The following RPS6KC1 variants were observed in gnomAD, a reference collection of about 807,000 sequenced individuals.
RPS6KC1 encodes ribosomal protein S6 kinase C1.
In RPS6KC1, 54 loss-of-function variants were observed where a neutral mutation model predicts 103.8. The ratio of observed to expected loss-of-function variants is 0.52; its 90% CI spans 0.42 to 0.65. The LOEUF (loss-of-function observed/expected upper bound fraction) is 0.65. Among genes scored for constraint, RPS6KC1 ranks in the 30% least tolerant of loss-of-function variants. The pLI is 0.00. For missense variants in RPS6KC1, 1,151 were observed against 1,253.8 expected, an observed-to-expected ratio of 0.92 and a Z score of 1.24; for synonymous variants, 439 against 438.7, an observed-to-expected ratio of 1.00 and a Z score of -0.01.
the RPS6KC1 span, among the ~76,000 whole-genome samples, chr1:213,472,871 T>C: frequency 6.6e-6 from 1 of 152,244 alleles, no homozygotes; most frequent in Non-Finnish European, 1.5e-5. Context: ...TATGGACCTA[T>C]TCTGATGTGT....
At chr1:213,642,843 C>T in the RPS6KC1 span, among the ~76,000 whole-genome samples, 5 of 151,872 alleles carry the variant, frequency 3.3e-5, no homozygotes, top group South Asian at 2.1e-4. Context: ...TAGAAATTTT[C>T]TTCATTAGAA....
At chr1:213,586,033 C>T in the RPS6KC1 span, among the ~76,000 whole-genome samples, 1 of 152,200 alleles carries the variant, frequency 6.6e-6, no homozygotes, top group African/African-American at 2.4e-5. Context: ...TCTTGACAGT[C>T]ACATCTGGCC....
At chr1:213,809,451 T>G in the RPS6KC1 span, among the ~76,000 whole-genome samples, 1 of 152,206 alleles carries the variant, frequency 6.6e-6, no homozygotes, top group Admixed American at 6.5e-5. Flanking sequence ...TGTGAGCTCA[T>G]GCTGTTGGAA....
At chr1:213,810,573 G>C in the RPS6KC1 span, among the ~76,000 whole-genome samples, 8 of 152,244 alleles carry the variant, frequency 5.3e-5, no homozygotes, top group African/African-American at 1.9e-4. Context: ...AAGTAAAGTT[G>C]CAGATACTTC....
the RPS6KC1 span, among the ~76,000 whole-genome samples, chr1:213,646,702 G>A: frequency 6.6e-6 from 1 of 151,832 alleles, no homozygotes; most frequent in Admixed American, 6.6e-5. Context: ...CAAGAGGGAG[G>A]AAACGGAACA....
chr1:213,721,546 A>G, the RPS6KC1 span, among the ~76,000 whole-genome samples: 3 of 152,178 alleles, frequency 2.0e-5, no homozygotes, highest in African/African-American at 7.2e-5. Context: ...CTGTGAGTCC[A>G]TTAAACCTCA....
chr1:213,773,910 T>C, the RPS6KC1 span, among the ~76,000 whole-genome samples: 7,724 of 152,290 alleles, frequency 0.051, 626 homozygotes, highest in African/African-American at 0.17. Context: ...CCTATCCAAG[T>C]GGACACAAAG....
At chr1:213,213,753 A>G (rs1285472185) in intron 8 of RPS6KC1, among the ~76,000 whole-genome samples, 2 of 152,198 alleles carry the variant, frequency 1.3e-5, no homozygotes, top group Non-Finnish European at 2.9e-5. Context: ...AGTACTATCA[A>G]AATATGCTTA....
At chr1:213,232,320 T>A in intron 10 of RPS6KC1, 65 bp downstream of exon 10, 2 of 1,592,082 alleles carry the variant, frequency 1.3e-6, no homozygotes, top group Non-Finnish European at 1.7e-6. Flanking sequence ...CCAGTTTCTC[T>A]CTGTCATTTC....
the RPS6KC1 span, among the ~76,000 whole-genome samples, chr1:213,562,355 T>G: frequency 9.2e-6 from 1 of 108,494 alleles, no homozygotes; most frequent in Non-Finnish European, 1.8e-5. Flanking sequence ...TCCTGAAAAG[T>G]TCTGTTTTTT....
At chr1:213,584,013 G>A in the RPS6KC1 span, among the ~76,000 whole-genome samples, 6 of 152,192 alleles carry the variant, frequency 3.9e-5, no homozygotes, top group East Asian at 5.8e-4. Context: ...CCCACGTGCT[G>A]TGGAAGGGAC....
chr1:213,527,254 C>T, the RPS6KC1 span, among the ~76,000 whole-genome samples: 2 of 152,184 alleles, frequency 1.3e-5, no homozygotes, highest in Non-Finnish European at 2.9e-5. Context: ...GGCACTGCTC[C>T]TGTGGAAATC....
At chr1:213,523,482 G>C in the RPS6KC1 span, among the ~76,000 whole-genome samples, 1 of 152,138 alleles carries the variant, frequency 6.6e-6, no homozygotes, top group Non-Finnish European at 1.5e-5. Flanking sequence ...TGTCTGCAAA[G>C]TACAGTAAAA....
chr1:213,658,095 C>T, the RPS6KC1 span, among the ~76,000 whole-genome samples: 780 of 152,254 alleles, frequency 5.1e-3, 11 homozygotes, highest in African/African-American at 0.017. Context: ...AATGCTTGTG[C>T]GCACTGTAAA....
chr1:213,527,212 G>A, the RPS6KC1 span, among the ~76,000 whole-genome samples: 6 of 152,358 alleles, frequency 3.9e-5, no homozygotes, highest in South Asian at 2.1e-4. Flanking sequence ...CATGCACAAT[G>A]CAGAGGAGGA....
the RPS6KC1 span, among the ~76,000 whole-genome samples, chr1:213,728,965 T>TTTA: frequency 8.5e-5 from 12 of 141,040 alleles, 1 homozygote; most frequent in African/African-American, 2.7e-4. Context: ...TTTTTTTTTT[T>TTTA]ACCAGTGGAC....
At chr1:213,132,323 A>G (rs2085732395) in intron 6 of RPS6KC1, among the ~76,000 whole-genome samples, 1 of 152,184 alleles carries the variant, frequency 6.6e-6, no homozygotes, top group African/African-American at 2.4e-5. Flanking sequence ...GACTAAATTG[A>G]TTTTAGTCTT....
chr1:213,288,096 G>A, the RPS6KC1 span, among the ~76,000 whole-genome samples: 2 of 152,222 alleles, frequency 1.3e-5, no homozygotes, highest in Non-Finnish European at 2.9e-5. Flanking sequence ...CTAATGGTTG[G>A]TGACATTCTC....
chr1:213,145,967 G>GTTTTTTTTTTTTTTTTT (rs71573864), intron 6 of RPS6KC1, among the ~76,000 whole-genome samples: 18 of 47,836 alleles, frequency 3.8e-4, no homozygotes, highest in Non-Finnish European at 4.8e-4. Flanking sequence ...CATTCATTCT[G>GTTTTTTTTTTTTTTTTT]TTTTTTTTTT....
Sources: gnomAD v4.1 joint callset for allele counts (sites outside exome capture counted in the v4.1 genomes callset) on GRCh38, gnomAD v4.1.1 for gene constraint, MANE v1.5 for transcripts, NCBI Gene and HGNC (gene_info 2026-07-23, HGNC 2026-07-21) for gene names.